PHF10: variants seen among roughly 807,000 people sequenced by gnomAD.
PHF10 encodes PHD finger protein 10, also known as BRG1-associated factor 45a.
A neutral mutation model predicts 68.5 loss-of-function variants in PHF10; 51 were observed. The ratio of observed to expected loss-of-function variants is 0.74; its 90% CI spans 0.59 to 0.94. The LOEUF is 0.94. PHF10 is among the 40% of genes least tolerant of loss of function. The pLI is 0.00. For synonymous variants in PHF10, 204 were observed against 203.5 expected (o/e 1.00, Z -0.02); for missense variants, 460 against 602.6 (o/e 0.76, Z 2.48).
intron 1 of PHF10, among the ~76,000 whole-genome samples, chr6:169,721,633 C>G (rs1789179623): frequency 6.6e-6 from 1 of 152,018 alleles, no homozygotes; most frequent in South Asian, 2.1e-4. Context: ...TATAATATAG[C>G]AGCACACACA....
chr6:169,705,997 A>C (rs1301996737), intron 9 of PHF10, among the ~76,000 whole-genome samples: 1 of 152,220 alleles, frequency 6.6e-6, no homozygotes, highest in African/African-American at 2.4e-5. Flanking sequence ...GATTTGTTTA[A>C]TGAATGGAAG....
chr6:169,720,932 G>A (rs1035880288), intron 2 of PHF10, 73 bp downstream of exon 2: 6 of 742,934 alleles, frequency 8.1e-6, no homozygotes, highest in African/African-American at 7.0e-5. Flanking sequence ...CCAGAGCTGG[G>A]GGAAAGGGAA....
At chr6:169,708,924 A>C (rs1788866843) in intron 9 of PHF10, 1 of 152,180 alleles carries the variant, frequency 6.6e-6, no homozygotes, top group Admixed American at 6.5e-5. Flanking sequence ...ACTTGCTTTC[A>C]GTTATTAAGC....
Position 169,705,179 on chromosome 6 carries a change from G to C in PHF10, c.1365C>G (p.Asp455Glu), listed in dbSNP as rs761295711. ...CCACACAAAAAGTATGATAACCTCT[G>C]TCACACATATCACAGAACATCATTT... ...EEEMMFCDMC[D>E]RGYHTFCVGL... is the part of the protein sequence containing the mutation. Residue 455 changes from aspartate (D) to glutamate (E), a missense_variant, in exon 11 of 12, where the codon GAC (aspartate) becomes GAG (glutamate). Around this residue, in one of 3 missense-constraint regions of PHF10, gnomAD observed 111 missense variants for 109.7 expected, o/e 1.01. Coordinates refer to ENST00000339209, the MANE Select transcript of PHF10 (RefSeq NM_018288.4). The C allele has an allele frequency of 9.3e-6, 15 of 1,613,288 alleles. No individual in the cohort carries two copies. Among genetic ancestry groups the C allele is most frequent in the Non-Finnish European group, 1.3e-5 (15 of 1,179,652 alleles).
In PHF10 at chr6:169,706,165, TA is replaced by T. The variant is rs1466449068; in HGVS notation, c.1114-442del. The stretch of plus-strand genomic sequence containing the variant: ...CTGCTATTTTCCAAAACTGCAAAAC[TA>T]GAGCTATAAAATCTAAGTTAAAAAA... On this transcript the variant is annotated intron_variant, in intron 9 of 11. Coordinates refer to ENST00000339209, the MANE Select transcript of PHF10 (RefSeq NM_018288.4). Among the ~76,000 whole-genome samples, 7 of 152,264 alleles carry T rather than the reference TA, an allele frequency of 4.6e-5. 1 individual carries two copies. The highest frequency in any genetic ancestry group is 4.6e-4 in the Admixed American group (7 of 15,286).
Position 169,723,875 on chromosome 6 carries a change from G to A in PHF10, c.57C>T (p.Asp19=). The change falls in exon 1 of 12, where the codon GAC becomes GAT. Residue 19 remains aspartate, a synonymous_variant. Transcript: ENST00000339209. ...AALSPRPCDS[D]PATPGAQSPK... ...GGGACTGCGCTCCGGGGGTGGCTGG[G>A]TCGCTGTCGCACGGCCGCGGGGACA... The A allele has an allele frequency of 1.8e-6, 2 of 1,099,988 alleles. No homozygotes were observed. Among genetic ancestry groups the A allele is most frequent in the Non-Finnish European group, 2.2e-6 (2 of 900,084 alleles). The allele number at this position is 1,099,988 out of a possible 1,614,324, so 68.1% of individuals were successfully genotyped here.
intron 11 of PHF10, 132 bp from the exon 12 acceptor site, chr6:169,704,220 A>AT (rs1788689822): frequency 8.3e-6 from 5 of 600,556 alleles, no homozygotes; most frequent in Admixed American, 4.1e-5. Context: ...GAAGGGCACT[A>AT]TGAGTTCCTT....
intron 1 of PHF10, among the ~76,000 whole-genome samples, chr6:169,722,585 G>A (rs940509831): frequency 3.3e-5 from 5 of 152,192 alleles, no homozygotes; most frequent in Non-Finnish European, 5.9e-5. Flanking sequence ...ACAAATTCTA[G>A]GCAAAGGCAT....
At chr6:169,719,863 G>A (rs1789136246) in intron 2 of PHF10, among the ~76,000 whole-genome samples, 1 of 151,784 alleles carries the variant, frequency 6.6e-6, no homozygotes, top group Non-Finnish European at 1.5e-5. Context: ...TTTGTACAGG[G>A]ACACTATCAA....
intron 2 of PHF10, among the ~76,000 whole-genome samples, chr6:169,719,876 C>G (rs1789136811): frequency 6.6e-6 from 1 of 151,988 alleles, no homozygotes; most frequent in African/African-American, 2.4e-5. Flanking sequence ...ACTATCAAGA[C>G]AGTGAAAAGA....
intron 8 of PHF10, 128 bp downstream of exon 8, chr6:169,712,258 A>G: frequency 1.2e-6 from 1 of 845,902 alleles, no homozygotes. Flanking sequence ...AGTAACTTTT[A>G]TTGATGAATA....
rs1562983686 is a variant in PHF10, at chr6:169,705,320, G to A, written c.1224C>T (p.Gly408=). ...TTGTCATATCCAGGCAAGAAGGATG[G>A]CCTAAATCAAAACCAGTATTAGTGG... ...LIHCSQCENS[G]HPSCLDMTME... The change falls in exon 11 of 12, where the codon GGC becomes GGT. Residue 408 remains glycine (G), a splice_region_variant and synonymous_variant. Transcript: ENST00000339209. 3.7e-6 allele frequency: 6 copies of A among 1,600,452 alleles called. No individual in the cohort carries two copies. Among genetic ancestry groups the A allele is most frequent in the Non-Finnish European group, 3.4e-6 (4 of 1,172,862 alleles).
At position 169,704,254 on chromosome 6, in the gene PHF10, TAATC is replaced by T. The variant is rs753090256; in HGVS notation, c.1412-170_1412-167del. 3.1e-5 allele frequency: 17 copies of T among 544,552 alleles called. 1 individual carries two copies. The highest frequency in any genetic ancestry group is 9.2e-4 in the Middle Eastern group (2 of 2,166). The allele number at this position is 544,552 out of a possible 1,614,324, so 33.7% of individuals were successfully genotyped here. A position where few individuals can be genotyped will look rare whatever the true frequency, so the allele number is the denominator to read the frequency against. The stretch of plus-strand genomic sequence containing the variant: ...TTAATTTAAGGAAAAAATGTAAACT[TAATC>T]AATGTAATCAATGCCATGCAAAATT... On this transcript the variant is annotated intron_variant, in intron 11 of 11. Coordinates refer to ENST00000339209, the MANE Select transcript of PHF10 (RefSeq NM_018288.4).
chr6:169,711,430 T>C (rs2128329679), intron 8 of PHF10, among the ~76,000 whole-genome samples: 1 of 152,372 alleles, frequency 6.6e-6, no homozygotes, highest in East Asian at 1.9e-4. Context: ...TTAAAATTTT[T>C]CAGCATCTGA....
At position 169,710,308 on chromosome 6, in the gene PHF10, T is replaced by C. The variant is rs17860601; in HGVS notation, c.1041A>G (p.Lys347=). 0.032 allele frequency: 51,346 copies of C among 1,612,936 alleles called. 1,900 individuals are homozygous for C. The highest frequency in any genetic ancestry group is 0.16 in the South Asian group (14,813 of 91,008). ...EDSFQGRQKS[K]DKAATPRKDG... ...CTTTTCTTGGAGTGGCAGCTTTGTC[T>C]TTTGATTTCTGTCTTCCCTGGAAAG... The change falls in exon 9 of 12, where the codon AAA becomes AAG. Residue 347 remains lysine, a synonymous_variant. Coordinates refer to ENST00000339209, the MANE Select transcript of PHF10 (RefSeq NM_018288.4).
At chr6:169,704,170 A>G in intron 11 of PHF10, 82 bp from the exon 12 acceptor site, 1 of 966,270 alleles carries the variant, frequency 1.0e-6, no homozygotes, top group East Asian at 2.9e-5. Context: ...CTTCTGCCTT[A>G]GCTATCACTA....
intron 9 of PHF10, among the ~76,000 whole-genome samples, chr6:169,706,727 TACACACACACACACACACACACACAC>T (rs55829134): frequency 7.2e-4 from 92 of 127,464 alleles, no homozygotes; most frequent in African/African-American, 2.3e-3. Flanking sequence ...CATACATACA[TACACACACACACACACACACACACAC>T]ACACACACAC....
chr6:169,723,939 AGCGCCCC>A lies in PHF10; in HGVS notation c.-15_-9del. The stretch of plus-strand genomic sequence containing the variant: ...CCCGGCCGCCGCCGCCATCAGCCCG[AGCGCCCC>A]GCGCCGCCGCCGCCGCCGTCGCCTC... On this transcript the variant is annotated 5_prime_UTR_variant, in exon 1 of 12. Transcript: ENST00000339209. 4 of 941,142 alleles carry A rather than the reference AGCGCCCC, an allele frequency of 4.3e-6. No individual in the cohort carries two copies. Among genetic ancestry groups the A allele is most frequent in the Non-Finnish European group, 5.1e-6 (4 of 787,980 alleles). The allele number at this position is 941,142 out of a possible 1,614,324, so 58.3% of individuals were successfully genotyped here. A position where few individuals can be genotyped will look rare whatever the true frequency, so the allele number is the denominator to read the frequency against.
chr6:169,705,474 G>A (rs1788749846), intron 10 of PHF10, 142 bp downstream of exon 10: 1 of 711,808 alleles, frequency 1.4e-6, no homozygotes, highest in African/African-American at 1.8e-5. Flanking sequence ...GAAAACACAT[G>A]GGCTGTGTCT....
Sources: allele counts gnomAD v4.1 joint callset (sites outside exome capture counted in the v4.1 genomes callset), GRCh38; gene constraint gnomAD v4.1.1; regional missense constraint gnomAD v4.1.1; transcripts MANE v1.5; gene names NCBI Gene and HGNC (gene_info 2026-07-23, HGNC 2026-07-21).